Variants in NUP210L observed in about 807,000 individuals in gnomAD.
NUP210L encodes nuclear pore membrane glycoprotein 210-like.
Under a neutral mutation model 208.5 loss-of-function variants are expected in NUP210L, and 74 were observed. The ratio of observed to expected loss-of-function variants is 0.35; its 90% CI spans 0.29 to 0.43. The LOEUF is 0.43. Ranked by LOEUF, NUP210L falls within the 20% of genes least tolerant of loss-of-function variation. NUP210L has a pLI of 1.00. For missense variants in NUP210L, 1,843 were observed against 2,289.4 expected (o/e 0.81, Z 3.98); for synonymous variants, 780 against 816.9 (o/e 0.95, Z 0.77).
intron 33 of NUP210L, 52 bp from the exon 34 acceptor site, chr1:154,012,422 T>C (rs757704529): frequency 1.3e-6 from 2 of 1,564,000 alleles, no homozygotes; most frequent in Non-Finnish European, 1.7e-6. Flanking sequence ...AGAATCTGAC[T>C]CCTTCCAGAT....
At chr1:154,065,760 G>A (rs538129142) in intron 17 of NUP210L, among the ~76,000 whole-genome samples, 3 of 151,996 alleles carry the variant, frequency 2.0e-5, no homozygotes, top group East Asian at 1.9e-4. Context: ...GGGCATGGTG[G>A]CACATGCCTA....
intron 10 of NUP210L, among the ~76,000 whole-genome samples, chr1:154,122,439 G>A (rs1439639876): frequency 6.6e-6 from 1 of 151,804 alleles, no homozygotes; most frequent in Non-Finnish European, 1.5e-5. Flanking sequence ...GGCAGATCAT[G>A]AGGTCAGGAG....
At chr1:154,093,272 T>C (rs1451161553) in intron 15 of NUP210L, among the ~76,000 whole-genome samples, 1 of 151,798 alleles carries the variant, frequency 6.6e-6, no homozygotes, top group African/African-American at 2.4e-5. Flanking sequence ...CTACTAAAAA[T>C]ACAAAATTAG....
At chr1:154,149,319 CAG>C (rs1659272505) in intron 2 of NUP210L, among the ~76,000 whole-genome samples, 1 of 152,126 alleles carries the variant, frequency 6.6e-6, no homozygotes, top group African/African-American at 2.4e-5. Flanking sequence ...CTCCTGACCT[CAG>C]GTGATCCACC....
chr1:154,140,477 G>A (rs1032830343), intron 4 of NUP210L, among the ~76,000 whole-genome samples: 19 of 151,480 alleles, frequency 1.3e-4, no homozygotes, highest in African/African-American at 4.6e-4. Context: ...GACCACCCTG[G>A]CCAATATGGC....
At chr1:154,141,237 A>G (rs1268300244) in intron 4 of NUP210L, among the ~76,000 whole-genome samples, 194 bp downstream of exon 4, 3 of 152,192 alleles carry the variant, frequency 2.0e-5, no homozygotes, top group Non-Finnish European at 4.4e-5. Context: ...ACTCAGATTA[A>G]GCGATCATAA....
intron 35 of NUP210L, among the ~76,000 whole-genome samples, chr1:154,009,311 C>T (rs1480341483): frequency 6.6e-6 from 1 of 152,076 alleles, no homozygotes; most frequent in Non-Finnish European, 1.5e-5. Flanking sequence ...ACTTGTTAAT[C>T]CTATTCTTTT....
At chr1:154,004,738 T>C (rs186603966) in intron 35 of NUP210L, among the ~76,000 whole-genome samples, 1 of 152,070 alleles carries the variant, frequency 6.6e-6, no homozygotes, top group Non-Finnish European at 1.5e-5. Context: ...CCTTGAACTC[T>C]TGGGCTCAAG....
chr1:154,061,806 G>T (rs1654156203), intron 17 of NUP210L, 132 bp from the exon 18 acceptor site: 3 of 652,762 alleles, frequency 4.6e-6, no homozygotes, highest in Non-Finnish European at 8.2e-6. Context: ...ACTCTCAATG[G>T]GGAAATACAT....
chr1:154,089,089 A>G (rs1309916931), intron 16 of NUP210L, among the ~76,000 whole-genome samples: 1 of 152,166 alleles, frequency 6.6e-6, no homozygotes, highest in Non-Finnish European at 1.5e-5. Context: ...CAAGCTGATT[A>G]TGTACTTAAG....
chr1:154,012,397 C>T, intron 33 of NUP210L, 27 bp from the exon 34 acceptor site: 2 of 1,604,232 alleles, frequency 1.2e-6, no homozygotes, highest in Middle Eastern at 1.7e-4. Context: ...GGAAAATCTG[C>T]ACCTAAGTTC....
At chr1:154,017,519 C>CTTTTTT (rs553512184) in intron 33 of NUP210L, among the ~76,000 whole-genome samples, 3 of 127,964 alleles carry the variant, frequency 2.3e-5, no homozygotes, top group African/African-American at 8.8e-5. Flanking sequence ...TTCTTTCTTT[C>CTTTTTT]TTTTTTTTTT....
At chr1:154,028,747 C>CT (rs1277129050) in intron 28 of NUP210L, among the ~76,000 whole-genome samples, 4 of 151,074 alleles carry the variant, frequency 2.6e-5, no homozygotes, top group East Asian at 1.9e-4. Flanking sequence ...AGTTTCTTTT[C>CT]TTTTTTTTTC....
At chr1:154,098,548 T>C (rs907491081) in intron 14 of NUP210L, among the ~76,000 whole-genome samples, 1 of 152,002 alleles carries the variant, frequency 6.6e-6, no homozygotes, top group South Asian at 2.1e-4. Flanking sequence ...CTGCTGGTCA[T>C]CCCAGTGTCT....
At chr1:154,085,672 T>C (rs1655587283) in intron 16 of NUP210L, among the ~76,000 whole-genome samples, 1 of 152,116 alleles carries the variant, frequency 6.6e-6, no homozygotes, top group Non-Finnish European at 1.5e-5. Context: ...GCCAAAATAA[T>C]ATTGAAAAAG....
At chr1:154,069,709 C>T (rs1654605398) in intron 17 of NUP210L, among the ~76,000 whole-genome samples, 1 of 152,074 alleles carries the variant, frequency 6.6e-6, no homozygotes, top group South Asian at 2.1e-4. Context: ...GGGTATATAC[C>T]CAAAGGATTA....
At chr1:154,035,498 A>G (rs1431917150) in intron 27 of NUP210L, among the ~76,000 whole-genome samples, 2 of 150,718 alleles carry the variant, frequency 1.3e-5, no homozygotes, top group African/African-American at 2.4e-5. Flanking sequence ...CCCGGGTTCA[A>G]GCGATTCTCC....
At chr1:154,122,001 G>T (rs2148107367) in intron 10 of NUP210L, among the ~76,000 whole-genome samples, 1 of 152,194 alleles carries the variant, frequency 6.6e-6, no homozygotes, top group South Asian at 2.1e-4. Flanking sequence ...GAAACCAACA[G>T]TTGCTCTTTG....
intron 25 of NUP210L, among the ~76,000 whole-genome samples, chr1:154,051,596 T>A (rs944172243): frequency 6.6e-6 from 1 of 152,216 alleles, no homozygotes; most frequent in Non-Finnish European, 1.5e-5. Flanking sequence ...GCTAAAACTA[T>A]TATCCAGCGA....
Sources: allele counts gnomAD v4.1 joint callset (sites outside exome capture counted in the v4.1 genomes callset), GRCh38; gene constraint gnomAD v4.1.1; transcripts MANE v1.5; gene names NCBI Gene and HGNC (gene_info 2026-07-23, HGNC 2026-07-21).